Variants in DLG1 observed in about 807,000 individuals in gnomAD.
The protein encoded by DLG1 is discs large MAGUK scaffold protein 1, also known as disks large homolog 1.
A neutral mutation model predicts 123.4 loss-of-function variants in DLG1; 42 were observed. That is an observed-to-expected ratio of 0.34 (90% CI 0.27 to 0.44). The LOEUF (loss-of-function observed/expected upper bound fraction) is 0.44. Ranked by LOEUF, DLG1 falls within the 20% of genes least tolerant of loss-of-function variation. The pLI, the probability that DLG1 is intolerant of heterozygous loss-of-function variation, is 1.00. For synonymous variants in DLG1, 317 were observed against 356.2 expected (o/e 0.89, Z 1.24); for missense variants, 942 against 1,082.6 (o/e 0.87, Z 1.82).
Position 197,282,771 on chromosome 3 carries a change from T to C in DLG1, c.226A>G (p.Ile76Val). ...CIDRSKPSEP[I>V]QPVNTWEISS... ...ATCTCCCAAGTATTCACAGGTTGAA[T>C]TGGTTCAGACGGCTTTGAACGATCT... Residue 76 changes from isoleucine (I) to valine (V), a missense_variant, in exon 4 of 25, where the codon ATT becomes GTT. Transcript: ENST00000667157. 1 of 1,612,308 alleles carries C rather than the reference T, an allele frequency of 6.2e-7. No homozygotes were observed.
chr3:197,051,615 G>T lies in DLG1; in HGVS notation c.2537C>A (p.Ala846Asp). 6.2e-7 allele frequency: 1 copy of T among 1,613,718 alleles called. No homozygotes were observed. The highest frequency in any genetic ancestry group is 8.5e-7 in the Non-Finnish European group (1 of 1,179,824). ...AGTAAACTCCTGTTCCAGTTTCATGGCTCTCTCAAATGTTTTTCTGGCTTG... is the reference window on the plus strand; with the variant it reads ...AGTAAACTCCTGTTCCAGTTTCATGTCTCTCTCAAATGTTTTTCTGGCTTG... ...EEQARKTFER[A>D]MKLEQEFTEH... Residue 846 changes from alanine to aspartate, a missense_variant, in exon 24 of 25, where the codon GCC becomes GAC. By Grantham distance (126) the Ala-to-Asp change is moderately radical. Coordinates refer to ENST00000667157, the MANE Select transcript of DLG1 (RefSeq NM_001366207.1).
chr3:197,214,463 C>T (rs1732972764), intron 4 of DLG1, among the ~76,000 whole-genome samples: 1 of 151,990 alleles, frequency 6.6e-6, no homozygotes, highest in African/African-American at 2.4e-5. Flanking sequence ...GTCCCAGCTA[C>T]TCGGGAGGCT....
At chr3:197,198,489 A>AAG (rs1479944855) in intron 4 of DLG1, among the ~76,000 whole-genome samples, 1 of 145,558 alleles carries the variant, frequency 6.9e-6, no homozygotes, top group African/African-American at 2.7e-5. Context: ...TCAGTCTCCA[A>AAG]AAAAAAAAAA....
chr3:197,109,996 G>A (rs1309534604), intron 13 of DLG1, among the ~76,000 whole-genome samples: 1 of 150,524 alleles, frequency 6.6e-6, no homozygotes, highest in Non-Finnish European at 1.5e-5. Flanking sequence ...AATTTAACTT[G>A]GAGTTCACTG....
chr3:197,159,219 C>T (rs926917348), intron 5 of DLG1, among the ~76,000 whole-genome samples: 6 of 152,150 alleles, frequency 3.9e-5, no homozygotes, highest in Admixed American at 2.0e-4. Flanking sequence ...ATCTGTGCCA[C>T]TCTGTATAAT....
In DLG1 at chr3:197,136,675, A is replaced by T; in HGVS notation, c.887T>A (p.Leu296His). The T allele has an allele frequency of 1.9e-6, 3 of 1,602,328 alleles. No individual in the cohort carries two copies. The highest frequency in any genetic ancestry group is 2.5e-6 in the Non-Finnish European group (3 of 1,176,652). Residue 296 changes from leucine to histidine, a missense_variant, in exon 10 of 25, where the codon CTT becomes CAT. Physicochemically the swap from Leu to His is moderately conservative, Grantham distance 99. Transcript: ENST00000667157. The part of the protein sequence containing the change: ...EIKLIKGPKG[L>H]GFSIAGGVGN... Reference sequence around the variant, plus strand: ...AACACCTCCAGCAATGCTAAACCCAAGACCTGTTTGGAAAACAGTTCTAGA... The same window carrying T: ...AACACCTCCAGCAATGCTAAACCCATGACCTGTTTGGAAAACAGTTCTAGA...
At chr3:197,266,108 C>T (rs556367465) in intron 4 of DLG1, among the ~76,000 whole-genome samples, 1 of 152,192 alleles carries the variant, frequency 6.6e-6, no homozygotes, top group East Asian at 1.9e-4. Flanking sequence ...CATTTAACTA[C>T]ATCCCAAAAC....
intron 4 of DLG1, among the ~76,000 whole-genome samples, chr3:197,268,402 A>G (rs1560084971): frequency 6.6e-6 from 1 of 152,024 alleles, no homozygotes; most frequent in Non-Finnish European, 1.5e-5. Flanking sequence ...ATAATATGAC[A>G]GTTGTTCCAC....
rs149380800 is a variant in DLG1 at position 197,087,704 on chromosome 3, T to G, written c.1662-1948A>C. ...AGAATGAAAGAAGCTATAAATGGAG[T>G]GGCAGCAGAGAGGGTTATAGAAACA... On this transcript the variant is annotated intron_variant, in intron 15 of 24. Transcript: ENST00000667157. 2.5e-4 allele frequency among the ~76,000 whole-genome samples: 38 copies of G among 152,114 alleles called. No homozygotes were observed. The East Asian group carries it at 7.1e-3, about 29-fold the overall frequency.
chr3:197,295,886 C>T (rs1777155800), intron 3 of DLG1, among the ~76,000 whole-genome samples: 1 of 152,192 alleles, frequency 6.6e-6, no homozygotes, highest in African/African-American at 2.4e-5. Flanking sequence ...ACAAGATCAT[C>T]TCTAAGATTA....
chr3:197,247,600 T>C, intron 4 of DLG1, among the ~76,000 whole-genome samples: 1 of 152,196 alleles, frequency 6.6e-6, no homozygotes, highest in East Asian at 1.9e-4. Flanking sequence ...TCATTTGACC[T>C]AAACTTTGGC....
intron 8 of DLG1, 139 bp from the exon 9 acceptor site, chr3:197,138,530 A>C: frequency 3.0e-6 from 1 of 338,212 alleles, no homozygotes; most frequent in Non-Finnish European, 4.8e-6. Flanking sequence ...AGAAAACATA[A>C]ATGAAGAAAG....
intron 4 of DLG1, among the ~76,000 whole-genome samples, chr3:197,235,506 A>T (rs1182711238): frequency 6.6e-6 from 1 of 152,222 alleles, no homozygotes; most frequent in Non-Finnish European, 1.5e-5. Flanking sequence ...AGGGGCCTCA[A>T]TAAACACTTG....
At chr3:197,157,661 A>G (rs1796954378) in intron 5 of DLG1, among the ~76,000 whole-genome samples, 1 of 152,234 alleles carries the variant, frequency 6.6e-6, no homozygotes, top group South Asian at 2.1e-4. Context: ...TCAAAATCCC[A>G]GTAGGGTTTT....
rs1741874745 is a variant in DLG1 at position 197,069,252 on chromosome 3, T to A, written c.2014A>T (p.Thr672Ser). ...CTTTCACTATCGCTGGCATTAGAAG[T>A]TACATGCTCTGAAATTGCAGGACAA... is the stretch of plus-strand genomic sequence containing the variant. ...QETSDADQHVTSNASDSESSY... is the reference protein window; with the variant it reads ...QETSDADQHVSSNASDSESSY... Residue 672 changes from threonine (T) to serine (S), a missense_variant, in exon 19 of 25, where the codon ACT becomes TCT. By Grantham distance (58) the Thr-to-Ser change is moderately conservative (BLOSUM62 1). Transcript: ENST00000667157. The A allele has an allele frequency of 2.5e-6, 4 of 1,587,594 alleles. No homozygotes were observed. The Admixed American group carries it at 7.0e-5, about 28-fold the overall frequency.
chr3:197,053,552 A>G (rs566648143), intron 23 of DLG1, among the ~76,000 whole-genome samples: 1 of 152,030 alleles, frequency 6.6e-6, no homozygotes, highest in East Asian at 1.9e-4. Context: ...CAGGCGGATC[A>G]CCTGAGGTCA....
chr3:197,235,933 A>T (rs967840807), intron 4 of DLG1, among the ~76,000 whole-genome samples: 1 of 152,228 alleles, frequency 6.6e-6, no homozygotes, highest in Non-Finnish European at 1.5e-5. Context: ...GGAACCAATA[A>T]AAACATACCA....
chr3:197,287,024 C>A (rs896901035), intron 3 of DLG1, among the ~76,000 whole-genome samples: 2 of 151,984 alleles, frequency 1.3e-5, no homozygotes, highest in Non-Finnish European at 2.9e-5. Flanking sequence ...AGGTGCATGC[C>A]ACCATGCCTG....
At position 197,203,094 on chromosome 3, in the gene DLG1, T is replaced by C. The variant is rs565902949; in HGVS notation, c.319-8505A>G. On this transcript the variant is annotated intron_variant, in intron 4 of 24. Coordinates refer to ENST00000667157, the MANE Select transcript of DLG1 (RefSeq NM_001366207.1). The stretch of plus-strand genomic sequence containing the variant: ...TCAGGACCATTTTTGAGACTCTGCC[T>C]CTACAAAAAATTTTAAAAATTAGCT... Among the ~76,000 whole-genome samples the C allele has an allele frequency of 3.3e-5, 5 of 152,240 alleles. No individual in the cohort carries two copies. In the East Asian group the frequency reaches 9.7e-4, roughly 29 times the overall value.
Sources: allele counts gnomAD v4.1 joint callset (sites outside exome capture counted in the v4.1 genomes callset), GRCh38; gene constraint gnomAD v4.1.1; transcripts MANE v1.5; gene names NCBI Gene and HGNC (gene_info 2026-07-23, HGNC 2026-07-21).